ERC1: variants seen among roughly 807,000 people sequenced by gnomAD.
ERC1 encodes RAB6 interacting protein 2.
Under a neutral mutation model 132.0 loss-of-function variants are expected in ERC1, and 56 were observed. The ratio of observed to expected loss-of-function variants is 0.42; its 90% CI spans 0.34 to 0.53. ERC1 has a LOEUF of 0.53. Ranked by LOEUF, ERC1 falls within the 20% of genes least tolerant of loss-of-function variation. The pLI is 0.03. For missense variants in ERC1, 1,202 were observed against 1,349.9 expected (o/e 0.89, Z 1.72); for synonymous variants, 478 against 476.1 (o/e 1.00, Z -0.05).
chr12:1,184,243 C>T (rs562041854), intron 11 of ERC1, among the ~76,000 whole-genome samples: 1 of 151,000 alleles, frequency 6.6e-6, no homozygotes, highest in East Asian at 1.9e-4. Flanking sequence ...TATCCTGTTT[C>T]AGATTTTATC....
chr12:1,377,400 A>T (rs1233506316), intron 16 of ERC1, among the ~76,000 whole-genome samples: 1 of 151,636 alleles, frequency 6.6e-6, no homozygotes, highest in Non-Finnish European at 1.5e-5. Context: ...GCACACATTC[A>T]CTCATCTGTG....
At chr12:1,083,877 C>A (rs1942586322) in intron 3 of ERC1, among the ~76,000 whole-genome samples, 2 of 152,160 alleles carry the variant, frequency 1.3e-5, no homozygotes, top group African/African-American at 4.8e-5. Context: ...TTTCACTCAT[C>A]TCTAGATCTG....
intron 13 of ERC1, among the ~76,000 whole-genome samples, chr12:1,246,576 A>G (rs2076172038): frequency 6.6e-6 from 1 of 152,224 alleles, no homozygotes; most frequent in Non-Finnish European, 1.5e-5. Flanking sequence ...TCATAGTCTC[A>G]AAATGTTTTC....
At chr12:1,367,077 A>C (rs552711540) in intron 15 of ERC1, among the ~76,000 whole-genome samples, 1 of 152,310 alleles carries the variant, frequency 6.6e-6, no homozygotes, top group Admixed American at 6.5e-5. Flanking sequence ...TGAAGAATCT[A>C]GTCATTAGAG....
intron 15 of ERC1, among the ~76,000 whole-genome samples, chr12:1,336,804 T>C (rs1191073439): frequency 7.3e-6 from 1 of 136,708 alleles, no homozygotes; most frequent in East Asian, 2.0e-4. Context: ...TCTTTATTAA[T>C]TTTTTTTTTT....
chr12:1,280,444 G>A (rs949768819), intron 14 of ERC1, among the ~76,000 whole-genome samples: 17 of 152,176 alleles, frequency 1.1e-4, no homozygotes, highest in African/African-American at 4.1e-4. Flanking sequence ...AATGAATAAA[G>A]ATGCATTAAA....
intron 14 of ERC1, among the ~76,000 whole-genome samples, chr12:1,264,898 G>C (rs548135832): frequency 6.6e-6 from 1 of 152,278 alleles, no homozygotes; most frequent in African/African-American, 2.4e-5. Flanking sequence ...GGCAGACATA[G>C]TATGTGCCCC....
chr12:1,186,152 T>C (rs1955068380), intron 11 of ERC1, among the ~76,000 whole-genome samples: 1 of 152,240 alleles, frequency 6.6e-6, no homozygotes, highest in Non-Finnish European at 1.5e-5. Context: ...ATCAGAGCTT[T>C]CCTAAGTATG....
intron 14 of ERC1, among the ~76,000 whole-genome samples, chr12:1,287,935 A>G (rs1227192812): frequency 6.6e-6 from 1 of 152,246 alleles, no homozygotes; most frequent in Non-Finnish European, 1.5e-5. Context: ...GAGGGTGAGC[A>G]TGGTTGGCTC....
At position 1,295,779 on chromosome 12, in the gene ERC1, A is replaced by G. The variant is rs370881890; in HGVS notation, c.2780+5767A>G. 7.2e-5 allele frequency among the ~76,000 whole-genome samples: 11 copies of G among 152,214 alleles called. No individual in the cohort carries two copies. In the South Asian group the frequency reaches 2.1e-3, roughly 29 times the overall value. On this transcript the variant is annotated intron_variant, in intron 15 of 18. Transcript: ENST00000360905. ...GAGCTTTCAGCAGATCAGCATACCA[A>G]AGGTTAAATCCAAACCTATACAAGT...
rs536911969 is a variant in ERC1, at chr12:1,432,140, A to G, written c.3025-12422A>G. ...GCAGTCCTCCCACCTCGACCTCCCA[A>G]AGTGCTGGGATAGCATATACTTAGG... On this transcript the variant is annotated intron_variant, in intron 17 of 18. Coordinates refer to ENST00000360905, the MANE Select transcript of ERC1 (RefSeq NM_178040.4). 5.9e-5 allele frequency among the ~76,000 whole-genome samples: 9 copies of G among 152,254 alleles called. No individual in the cohort carries two copies. The East Asian group carries it at 1.5e-3, about 26-fold the overall frequency.
intron 8 of ERC1, among the ~76,000 whole-genome samples, chr12:1,147,436 A>C (rs1950483510): frequency 6.6e-6 from 1 of 152,192 alleles, no homozygotes; most frequent in African/African-American, 2.4e-5. Flanking sequence ...ATTTTCAAGT[A>C]ATAGACTTAA....
intron 14 of ERC1, among the ~76,000 whole-genome samples, chr12:1,271,250 GGGCAGA>G (rs1203171802): frequency 1.3e-5 from 2 of 152,166 alleles, no homozygotes; most frequent in African/African-American, 4.8e-5. Flanking sequence ...GCAAGAGGTT[GGGCAGA>G]TCAGGCAATA....
At chr12:1,058,885 G>T (rs1489261206) in intron 2 of ERC1, among the ~76,000 whole-genome samples, 1 of 148,190 alleles carries the variant, frequency 6.7e-6, no homozygotes, top group Admixed American at 6.8e-5. Flanking sequence ...TCAAACTCTT[G>T]GGCTCAAATG....
chr12:1,287,529 TC>T (rs1463175901), intron 14 of ERC1, among the ~76,000 whole-genome samples: 1 of 152,192 alleles, frequency 6.6e-6, no homozygotes, highest in Non-Finnish European at 1.5e-5. Flanking sequence ...CCTTATCCAG[TC>T]AGTTAAAGGC....
intron 13 of ERC1, among the ~76,000 whole-genome samples, chr12:1,237,808 A>G (rs906905544): frequency 6.6e-6 from 1 of 152,354 alleles, no homozygotes; most frequent in African/African-American, 2.4e-5. Context: ...TCTGAAAGCC[A>G]TGCTAAGACT....
intron 3 of ERC1, among the ~76,000 whole-genome samples, chr12:1,101,497 A>G (rs1266796270): frequency 6.6e-6 from 1 of 152,180 alleles, no homozygotes; most frequent in African/African-American, 2.4e-5. Context: ...TTGTCTGTAA[A>G]TATTCATGTC....
At chr12:1,008,159 A>G (rs931893058) in intron 1 of ERC1, among the ~76,000 whole-genome samples, 4 of 152,236 alleles carry the variant, frequency 2.6e-5, no homozygotes, top group African/African-American at 9.6e-5. Context: ...GTCATCAGGT[A>G]TAGGACGTTT....
intron 13 of ERC1, among the ~76,000 whole-genome samples, chr12:1,239,608 C>T (rs1052567637): frequency 6.6e-6 from 1 of 152,144 alleles, no homozygotes; most frequent in Non-Finnish European, 1.5e-5. Flanking sequence ...GTCCCAGCTA[C>T]TGTAGAGGCT....
Sources: allele counts gnomAD v4.1 joint callset (sites outside exome capture counted in the v4.1 genomes callset), GRCh38; gene constraint gnomAD v4.1.1; transcripts MANE v1.5; gene names NCBI Gene and HGNC (gene_info 2026-07-23, HGNC 2026-07-21).